PIK3CD: variants seen among roughly 807,000 people sequenced by gnomAD.
PIK3CD encodes the protein phosphatidylinositol-4,5-bisphosphate 3-kinase catalytic subunit delta, also known as phosphatidylinositol 4,5-bisphosphate 3-kinase catalytic subunit delta isoform.
In PIK3CD, 20 loss-of-function variants were observed where a neutral mutation model predicts 122.9. That is an observed-to-expected ratio of 0.16 (90% CI 0.11 to 0.24). The LOEUF (loss-of-function observed/expected upper bound fraction) is 0.24. Ranked by LOEUF, PIK3CD falls within the 10% of genes least tolerant of loss-of-function variation. PIK3CD has a pLI of 1.00. For synonymous variants in PIK3CD, 596 were observed against 593.4 expected (o/e 1.00, Z -0.06); for missense variants, 787 against 1,406.3 (o/e 0.56, Z 7.04).
At chr1:9,644,902 G>A in the PIK3CD span, among the ~76,000 whole-genome samples, 1 of 152,162 alleles carries the variant, frequency 6.6e-6, no homozygotes, top group Non-Finnish European at 1.5e-5. Context: ...AGAGGTGTTA[G>A]TCATTAAAGG....
chr1:9,698,942 C>CT (rs1317355377), intron 2 of PIK3CD, among the ~76,000 whole-genome samples: 1 of 152,140 alleles, frequency 6.6e-6, no homozygotes, highest in East Asian at 1.9e-4. Flanking sequence ...GATCCCAACA[C>CT]TTTCAGAGGC....
the PIK3CD span, among the ~76,000 whole-genome samples, chr1:9,643,494 AG>A: frequency 1.0e-5 from 1 of 98,272 alleles, no homozygotes; most frequent in Non-Finnish European, 2.1e-5. Flanking sequence ...GGAGGGAGGG[AG>A]GGAAGGAAGG....
Position 9,722,204 on chromosome 1 carries a change from A to G in PIK3CD, c.2235-40A>G. ...TTCCTCCCACCCCTGGGAGGCCGGT[A>G]GAGGAGCCCCTGCTGACTGCCCGCT... On this transcript the variant is annotated intron_variant, in intron 17 of 23. Coordinates refer to ENST00000377346, the MANE Select transcript of PIK3CD (RefSeq NM_005026.5). The surrounding 1 kb of genome is among the most constrained non-coding windows in gnomAD (Gnocchi z 7.6). 6.2e-7 allele frequency: 1 copy of G among 1,611,216 alleles called. No homozygotes were observed. Among genetic ancestry groups the G allele is most frequent in the Middle Eastern group, 1.7e-4 (1 of 6,058 alleles).
At chr1:9,683,483 G>GC (rs1645850335) in intron 1 of PIK3CD, among the ~76,000 whole-genome samples, 1 of 151,514 alleles carries the variant, frequency 6.6e-6, no homozygotes, top group Admixed American at 6.6e-5. Flanking sequence ...AAAAAAACGA[G>GC]CCTTGTGCCT....
At chr1:9,637,055 G>A in the PIK3CD span, among the ~76,000 whole-genome samples, 3 of 151,878 alleles carry the variant, frequency 2.0e-5, no homozygotes, top group East Asian at 1.9e-4. Flanking sequence ...CCGCCACCAC[G>A]CCCGGCTAAT....
chr1:9,715,733 CTCA>C lies in PIK3CD; in HGVS notation c.338_340del (p.Ile113del). ...CCGTGAGGGCGACCGCGTGAAGAAG[CTCA>C]TCAACTCACAGATCAGCCTCCTCAT... is the stretch of plus-strand genomic sequence containing the variant. On this transcript the variant is annotated inframe_deletion, in exon 4 of 24. Coordinates refer to ENST00000377346, the MANE Select transcript of PIK3CD (RefSeq NM_005026.5). This position sits in a 1 kb window ranked among gnomAD's most constrained non-coding sequence, Gnocchi z 4.1. The C allele has an allele frequency of 6.2e-7, 1 of 1,613,454 alleles. No homozygotes were observed. Among genetic ancestry groups the C allele is most frequent in the Non-Finnish European group, 8.5e-7 (1 of 1,180,004 alleles).
rs1215246585 is a variant in PIK3CD, at chr1:9,716,948, C to T, written c.781-11C>T. On this transcript the variant is annotated splice_polypyrimidine_tract_variant and intron_variant, in intron 6 of 23. Coordinates refer to ENST00000377346, the MANE Select transcript of PIK3CD (RefSeq NM_005026.5). ...CGCCCCACCAGCCGCTCACCCTGCA[C>T]CCCGTCTCAGTACATCTGCAGCTGC... is the stretch of plus-strand genomic sequence containing the variant. 5 of 1,613,558 alleles carry T rather than the reference C, an allele frequency of 3.1e-6. No homozygotes were observed. In the South Asian group the frequency reaches 4.4e-5, roughly 14 times the overall value.
the PIK3CD span, among the ~76,000 whole-genome samples, chr1:9,646,328 A>T: frequency 1.3e-5 from 2 of 152,220 alleles, no homozygotes; most frequent in Non-Finnish European, 2.9e-5. Flanking sequence ...GCCCGCCGTA[A>T]CAAAAGACAG....
chr1:9,646,769 A>G (rs538364615), upstream of PIK3CD, among the ~76,000 whole-genome samples: 1,030 of 152,074 alleles, frequency 6.8e-3, 8 homozygotes, highest in African/African-American at 0.024. Context: ...CCTGGCCAAC[A>G]TGGTGAAACC....
chr1:9,649,267 A>C (rs772485705), upstream of PIK3CD, among the ~76,000 whole-genome samples: 1 of 149,712 alleles, frequency 6.7e-6, no homozygotes, highest in African/African-American at 2.5e-5. Context: ...ATCTCACTCC[A>C]TCACCCAGGC....
chr1:9,628,139 C>T, the PIK3CD span, among the ~76,000 whole-genome samples: 1 of 152,002 alleles, frequency 6.6e-6, no homozygotes, highest in Non-Finnish European at 1.5e-5. Flanking sequence ...CCTGTCTCTA[C>T]GAAAATACAA....
At chr1:9,644,306 G>A in the PIK3CD span, among the ~76,000 whole-genome samples, 1 of 152,082 alleles carries the variant, frequency 6.6e-6, no homozygotes, top group Non-Finnish European at 1.5e-5. Context: ...CCTGAGGTCA[G>A]GAGTTTGAGA....
At chr1:9,678,277 C>T (rs1225433055) in intron 1 of PIK3CD, among the ~76,000 whole-genome samples, 4 of 152,014 alleles carry the variant, frequency 2.6e-5, no homozygotes, top group African/African-American at 9.7e-5. Context: ...TAGGGAAACC[C>T]TGTGTCTACA....
intron 1 of PIK3CD, among the ~76,000 whole-genome samples, chr1:9,661,957 C>T (rs1266876166): frequency 6.6e-6 from 1 of 151,910 alleles, no homozygotes; most frequent in Non-Finnish European, 1.5e-5. Flanking sequence ...GATTGCACCA[C>T]TGCACTCCAG....
chr1:9,629,461 AC>A, the PIK3CD span, among the ~76,000 whole-genome samples: 1 of 53,630 alleles, frequency 1.9e-5, no homozygotes, highest in Non-Finnish European at 4.1e-5. Flanking sequence ...CTGCCCCCCC[AC>A]CCCCGCCCCC....
chr1:9,726,858 G>A (rs766462657), intron 23 of PIK3CD, 51 bp from the exon 24 acceptor site: 5 of 1,612,210 alleles, frequency 3.1e-6, no homozygotes, highest in Middle Eastern at 1.6e-4. Context: ...ACGCATCCCA[G>A]AGCAAGGTCC....
rs1051730582 is a variant in PIK3CD, at chr1:9,700,140, T to G, written c.-33+8569T>G. On this transcript the variant is annotated intron_variant, in intron 2 of 23. Transcript: ENST00000377346. This position sits in a 1 kb window ranked among gnomAD's most constrained non-coding sequence, Gnocchi z 5.1. ...TGTATTTAATTTTTAAATATTTATT[T>G]ATTGATTTTTGAGACAGAGTCTCAC... 6.6e-6 allele frequency among the ~76,000 whole-genome samples: 1 copy of G among 152,228 alleles called. No individual in the cohort carries two copies. Among genetic ancestry groups the G allele is most frequent in the African/African-American group, 2.4e-5 (1 of 41,462 alleles).
rs748470223 is a variant in PIK3CD at position 9,716,600 on chromosome 1, A to T, written c.761A>T (p.Tyr254Phe). The change falls in exon 6 of 24, where the codon TAC becomes TTC. Residue 254 changes from tyrosine to phenylalanine, a missense_variant. Physicochemically the swap from Tyr to Phe is conservative, Grantham distance 22. Around this residue, in one of 6 missense-constraint regions of PIK3CD, gnomAD observed 592 missense variants for 920.6 expected, o/e 0.64. Transcript: ENST00000377346. ...AGGCATGAGTACCTGTATGGCAGCT[A>T]CCCGCTCTGCCAGTTCCAGGTGAGG... The part of the protein sequence containing the change: ...NGRHEYLYGS[Y>F]PLCQFQYICS... 1 of 1,563,984 alleles carries T rather than the reference A, an allele frequency of 6.4e-7. No individual in the cohort carries two copies. Among genetic ancestry groups the T allele is most frequent in the Admixed American group, 1.9e-5 (1 of 52,140 alleles).
rs550502061 is a variant in PIK3CD at position 9,717,290 on chromosome 1, G to T, written c.930+182G>T. 5.9e-5 allele frequency among the ~76,000 whole-genome samples: 9 copies of T among 152,206 alleles called. No individual in the cohort carries two copies. Among genetic ancestry groups the T allele is most frequent in the Non-Finnish European group, 1.2e-4 (8 of 68,022 alleles). On this transcript the variant is annotated intron_variant, in intron 7 of 23. Transcript: ENST00000377346. This position sits in a 1 kb window ranked among gnomAD's most constrained non-coding sequence, Gnocchi z 5.4. Reference sequence around the variant, plus strand: ...GGGGGCCTGTGGGACTGCCGTGGGTGGGGGGCAGCCCCATGCCTGGCTCAC... The same window carrying T: ...GGGGGCCTGTGGGACTGCCGTGGGTTGGGGGCAGCCCCATGCCTGGCTCAC...
Sources: gnomAD v4.1 joint callset for allele counts (sites outside exome capture counted in the v4.1 genomes callset) on GRCh38, gnomAD v4.1.1 for gene constraint, gnomAD v4.1.1 regional missense constraint, Gnocchi (gnomAD v3.1) non-coding constraint, MANE v1.5 for transcripts, NCBI Gene and HGNC (gene_info 2026-07-23, HGNC 2026-07-21) for gene names.